Variants in NKAIN3 observed in about 807,000 individuals in gnomAD.
The protein encoded by NKAIN3 is sodium/potassium-transporting ATPase subunit beta-1-interacting protein 3.
Under a neutral mutation model 30.2 loss-of-function variants are expected in NKAIN3, and 25 were observed. The ratio of observed to expected loss-of-function variants is 0.83; its 90% CI spans 0.60 to 1.16. NKAIN3 has a LOEUF of 1.16. Among genes scored for constraint, NKAIN3 ranks in the 50% most tolerant of loss-of-function variants. The pLI is 0.00. For synonymous variants in NKAIN3, 91 were observed against 89.6 expected (o/e 1.02, Z -0.09); for missense variants, 225 against 254.1 (o/e 0.89, Z 0.78).
chr8:62,439,982 A>C (rs1805276537), intron 1 of NKAIN3, among the ~76,000 whole-genome samples: 1 of 152,188 alleles, frequency 6.6e-6, no homozygotes, highest in Non-Finnish European at 1.5e-5. Context: ...TTTCCTGTAG[A>C]TGCTGATTTT....
At chr8:62,475,680 C>G (rs980972374) in intron 1 of NKAIN3, among the ~76,000 whole-genome samples, 2 of 152,148 alleles carry the variant, frequency 1.3e-5, no homozygotes, top group Non-Finnish European at 2.9e-5. Flanking sequence ...GTAACAAGAT[C>G]CTACAAGTGA....
chr8:62,789,198 T>C (rs1320845295), intron 4 of NKAIN3, among the ~76,000 whole-genome samples: 1 of 152,164 alleles, frequency 6.6e-6, no homozygotes, highest in African/African-American at 2.4e-5. Context: ...TTGTATCCTC[T>C]TTTATTTCCT....
At chr8:62,691,650 G>A (rs1813971074) in intron 3 of NKAIN3, among the ~76,000 whole-genome samples, 1 of 152,078 alleles carries the variant, frequency 6.6e-6, no homozygotes. Context: ...TGCATGTTCT[G>A]GGTTCTGTCT....
At chr8:62,285,894 AG>A (rs2129398437) in intron 1 of NKAIN3, among the ~76,000 whole-genome samples, 1 of 152,328 alleles carries the variant, frequency 6.6e-6, no homozygotes, top group African/African-American at 2.4e-5. Context: ...AATTGGATGC[AG>A]CTATTCTAGA....
rs557451976 is a variant in NKAIN3 at position 62,784,465 on chromosome 8, C to A, written c.471+37336C>A. Among the ~76,000 whole-genome samples the A allele has an allele frequency of 1.1e-3, 164 of 151,766 alleles. 1 individual carries two copies. Among genetic ancestry groups the A allele is most frequent in the African/African-American group, 3.6e-3 (149 of 41,402 alleles). On this transcript the variant is annotated intron_variant, in intron 4 of 6. Transcript: ENST00000623646. ...AGAAGGGACATAATTATTGACCATA[C>A]AGAAATTTTAAAAGATTATAAGATA...
intron 1 of NKAIN3, among the ~76,000 whole-genome samples, chr8:62,285,347 A>G (rs1407942137): frequency 1.3e-5 from 2 of 152,198 alleles, no homozygotes; most frequent in African/African-American, 4.8e-5. Flanking sequence ...ACCTACAGAA[A>G]TAGCGTCTGC....
chr8:62,897,354 C>A (rs1283752100), intron 4 of NKAIN3, among the ~76,000 whole-genome samples: 1 of 129,116 alleles, frequency 7.7e-6, no homozygotes, highest in Non-Finnish European at 1.6e-5. Flanking sequence ...CTTATGGAAA[C>A]AAATCTGTTG....
chr8:62,782,728 T>A (rs1300346794), intron 4 of NKAIN3, among the ~76,000 whole-genome samples: 1 of 149,452 alleles, frequency 6.7e-6, no homozygotes, highest in Non-Finnish European at 1.5e-5. Flanking sequence ...AATAAATAAA[T>A]AAATAACTTG....
At chr8:62,587,409 A>C (rs572653545) in intron 2 of NKAIN3, among the ~76,000 whole-genome samples, 38 of 152,140 alleles carry the variant, frequency 2.5e-4, no homozygotes, top group African/African-American at 8.9e-4. Context: ...TAAAATACTA[A>C]AGATACTGTC....
intron 1 of NKAIN3, among the ~76,000 whole-genome samples, chr8:62,319,310 G>T (rs9643537): frequency 2.0e-4 from 31 of 151,862 alleles, no homozygotes; most frequent in Non-Finnish European, 4.4e-4. Context: ...TTTTTGAAGG[G>T]TTTTTTGTGT....
chr8:62,334,058 G>C (rs1212247709), intron 1 of NKAIN3, among the ~76,000 whole-genome samples: 2 of 152,070 alleles, frequency 1.3e-5, no homozygotes, highest in Admixed American at 6.6e-5. Context: ...ATTTGTATGT[G>C]CTGAGCCGTG....
At chr8:62,322,989 A>G (rs904756678) in intron 1 of NKAIN3, among the ~76,000 whole-genome samples, 3 of 152,218 alleles carry the variant, frequency 2.0e-5, no homozygotes, top group Admixed American at 6.5e-5. Flanking sequence ...ATATCATTGT[A>G]TGCTTATTAG....
chr8:62,475,691 T>C (rs1563415421), intron 1 of NKAIN3, among the ~76,000 whole-genome samples: 1 of 152,198 alleles, frequency 6.6e-6, no homozygotes, highest in Non-Finnish European at 1.5e-5. Flanking sequence ...CTACAAGTGA[T>C]TCTGGAGAAT....
intron 1 of NKAIN3, chr8:62,383,536 T>C (rs1203863651): frequency 1.5e-5 from 7 of 455,448 alleles, no homozygotes; most frequent in Non-Finnish European, 2.6e-5. Context: ...ATGATTATCT[T>C]AATGGCATCT....
intron 1 of NKAIN3, among the ~76,000 whole-genome samples, chr8:62,282,614 C>T (rs1218365993): frequency 1.3e-5 from 2 of 152,096 alleles, no homozygotes; most frequent in African/African-American, 2.4e-5. Flanking sequence ...GACATATGCC[C>T]CTTTGTATAA....
intron 4 of NKAIN3, among the ~76,000 whole-genome samples, chr8:62,792,321 G>T (rs561864901): frequency 1.3e-5 from 2 of 152,176 alleles, no homozygotes; most frequent in South Asian, 2.1e-4. Flanking sequence ...TAAAAAAAGT[G>T]AATTTCTCTA....
chr8:62,716,037 T>C (rs770686129), intron 3 of NKAIN3, among the ~76,000 whole-genome samples: 6 of 152,332 alleles, frequency 3.9e-5, no homozygotes, highest in Non-Finnish European at 8.8e-5. Flanking sequence ...AACTGCTATT[T>C]GCTTGAAACA....
chr8:62,397,913 C>T (rs190507232), intron 1 of NKAIN3, among the ~76,000 whole-genome samples: 128 of 152,252 alleles, frequency 8.4e-4, no homozygotes, highest in African/African-American at 2.8e-3. Flanking sequence ...AGTTGGATGT[C>T]AAGACTATGC....
At chr8:62,884,319 C>T (rs751640702) in intron 4 of NKAIN3, among the ~76,000 whole-genome samples, 53 of 151,596 alleles carry the variant, frequency 3.5e-4, no homozygotes, top group African/African-American at 9.0e-4. Flanking sequence ...AGTGCAATGG[C>T]GCAATCTCGG....
Sources: gnomAD v4.1 joint callset for allele counts (sites outside exome capture counted in the v4.1 genomes callset) on GRCh38, gnomAD v4.1.1 for gene constraint, MANE v1.5 for transcripts, NCBI Gene and HGNC (gene_info 2026-07-23, HGNC 2026-07-21) for gene names.